The following CEP192 variants were observed in gnomAD, a reference collection of about 807,000 sequenced individuals.
CEP192 encodes centrosomal protein 192.
In CEP192, 151 loss-of-function variants were observed where a neutral mutation model predicts 271.8. The ratio of observed to expected loss-of-function variants is 0.56; its 90% CI spans 0.49 to 0.64. CEP192 has a LOEUF of 0.64. Among genes scored for constraint, CEP192 ranks in the 30% least tolerant of loss-of-function variants. CEP192 has a pLI of 0.00. For synonymous variants in CEP192, 995 were observed against 1,076.5 expected, an observed-to-expected ratio of 0.92 and a Z score of 1.48; for missense variants, 2,910 against 3,020.5, an observed-to-expected ratio of 0.96 and a Z score of 0.86.
chr18:13,040,954 C>T lies in CEP192; in HGVS notation c.1934C>T (p.Ser645Leu), dbSNP rs1037274899. The T allele has an allele frequency of 6.2e-7, 1 of 1,601,836 alleles. No individual in the cohort carries two copies. Among genetic ancestry groups the T allele is most frequent in the Non-Finnish European group, 8.5e-7 (1 of 1,176,082 alleles). The change falls in exon 14 of 45, where the codon TCA (serine) becomes TTA (leucine). Residue 645 changes from serine (S) to leucine (L), a missense_variant and splice_region_variant. Transcript: ENST00000506447. ...GCTCATCTTAACCATGATCTATATT[C>T]AGGTAATGGATTCAATGAAGGGGCT... ...EMAHLNHDLY[S>L]GDLNEQSQAQ...
Position 13,018,601 on chromosome 18 carries a change from G to A in CEP192, c.911G>A (p.Cys304Tyr), listed in dbSNP as rs1291715984. 6.5e-7 allele frequency: 1 copy of A among 1,532,286 alleles called. No individual in the cohort carries two copies. The highest frequency in any genetic ancestry group is 2.0e-5 in the Admixed American group (1 of 49,510). 94.9% of individuals were successfully genotyped at this position (1,532,286 alleles called of 1,614,324 possible). Reference protein sequence around the residue: ...HKESEESQVICLPGTSNSIGT... With the variant: ...HKESEESQVIYLPGTSNSIGT... Reference sequence around the variant, plus strand: ...GAGTCTGAGGAAAGCCAAGTTATTTGTCTACCTGGGACTAGTAAGTATAGA... The same window carrying A: ...GAGTCTGAGGAAAGCCAAGTTATTTATCTACCTGGGACTAGTAAGTATAGA... Residue 304 changes from cysteine (C) to tyrosine (Y), a missense_variant, in exon 8 of 45, where the codon TGT (cysteine) becomes TAT (tyrosine). By Grantham distance (194) the Cys-to-Tyr change is radical. Transcript: ENST00000506447.
Position 13,057,705 on chromosome 18 carries a change from T to C in CEP192, c.4229T>C (p.Val1410Ala). ...CGCTGGCTGCAAGTCAGCATTGGGG[T>C]CCTCAGCATTAGTGTTAATGGTGAA... ...TDRWLQVSIG[V>A]LSISVNGEKV... The change falls in exon 20 of 45, where the codon GTC becomes GCC. Residue 1410 changes from valine (V) to alanine (A), a missense_variant. Val to Ala is a moderately conservative substitution (Grantham distance 64). Transcript: ENST00000506447. 1 of 1,614,024 alleles carries C rather than the reference T, an allele frequency of 6.2e-7. No homozygotes were observed. Among genetic ancestry groups the C allele is most frequent in the Non-Finnish European group, 8.5e-7 (1 of 1,179,962 alleles).
At chr18:13,062,704 C>A (rs1401504681) in intron 21 of CEP192, among the ~76,000 whole-genome samples, 1 of 152,016 alleles carries the variant, frequency 6.6e-6, no homozygotes, top group Non-Finnish European at 1.5e-5. Flanking sequence ...AATAGCTTAT[C>A]CCCTCAAGCA....
chr18:13,049,147 A>T lies in CEP192; in HGVS notation c.2356A>T (p.Lys786Ter). ...SNALDMEKYL[K>*]KTEVSRYESA... The stretch of plus-strand genomic sequence containing the variant: ...TGCACTTGATATGGAGAAATACCTT[A>T]AAAAAACAGAAGTTAGTAGATATGA... Residue 786 changes from lysine to a stop codon, truncating the protein, a stop_gained, in exon 16 of 45, where the codon AAA (lysine) becomes TAA (stop). Coordinates refer to ENST00000506447, the MANE Select transcript of CEP192 (RefSeq NM_032142.4). LOFTEE classifies it high-confidence loss of function. 1 of 1,613,804 alleles carries T rather than the reference A, an allele frequency of 6.2e-7. No individual in the cohort carries two copies. Among genetic ancestry groups the T allele is most frequent in the Non-Finnish European group, 8.5e-7 (1 of 1,179,888 alleles).
At chr18:13,080,324 T>G (rs1384145980) in intron 30 of CEP192, among the ~76,000 whole-genome samples, 1 of 152,222 alleles carries the variant, frequency 6.6e-6, no homozygotes, top group Non-Finnish European at 1.5e-5. Flanking sequence ...GAGCAGTGGT[T>G]TGTAGTTCTC....
At chr18:12,994,646 A>G (rs180937788) in intron 1 of CEP192, among the ~76,000 whole-genome samples, 2 of 152,264 alleles carry the variant, frequency 1.3e-5, no homozygotes, top group East Asian at 3.9e-4. Context: ...TGGAACATAG[A>G]CATGTTTTGC....
rs940693897 is a variant in CEP192 at position 13,089,499 on chromosome 18, G to A, written c.6037G>A (p.Glu2013Lys). The A allele has an allele frequency of 1.4e-5, 22 of 1,606,800 alleles. No individual in the cohort carries two copies. Among genetic ancestry groups the A allele is most frequent in the Non-Finnish European group, 1.8e-5 (21 of 1,176,266 alleles). ...AGAGATGATAAAACAGATACTTCCA[G>A]AACATAGTGTGCTTCAAAACATTAA... The part of the protein sequence containing the change: ...KPEMIKQILP[E>K]HSVLQNINFV... The change falls in exon 33 of 45, where the codon GAA (glutamate) becomes AAA (lysine). Residue 2013 changes from glutamate (E) to lysine (K), a missense_variant. Physicochemically the swap from Glu to Lys is moderately conservative, Grantham distance 56 (BLOSUM62 1). Transcript: ENST00000506447.
chr18:13,103,665 G>A, intron 39 of CEP192, 77 bp downstream of exon 39: 1 of 1,126,014 alleles, frequency 8.9e-7, no homozygotes, highest in East Asian at 2.3e-5. Flanking sequence ...CTGACTATGA[G>A]CATAGGTTGA....
intron 21 of CEP192, among the ~76,000 whole-genome samples, chr18:13,064,546 A>G (rs930453645): frequency 1.6e-4 from 24 of 148,766 alleles, no homozygotes; most frequent in Admixed American, 1.1e-3. Context: ...CGGGAGGCGG[A>G]GCTTGCAGTG....
Position 13,095,611 on chromosome 18 carries a change from G to C in CEP192, c.6363G>C (p.Leu2121=). 2 of 1,614,108 alleles carry C rather than the reference G, an allele frequency of 1.2e-6. No individual in the cohort carries two copies. Among genetic ancestry groups the C allele is most frequent in the Non-Finnish European group, 1.7e-6 (2 of 1,179,958 alleles). Residue 2121 remains leucine, a synonymous_variant, in exon 35 of 45, where the codon CTG becomes CTC. Transcript: ENST00000506447. ...PLLSRAARPP[L]DQLASEEPWT... ...TCTCACGGGCGGCTCGCCCGCCTCT[G>C]GATCAGCTGGCCTCCGAAGAGCCGT...
At chr18:13,081,817 T>C (rs1598543646) in intron 30 of CEP192, among the ~76,000 whole-genome samples, 1 of 152,224 alleles carries the variant, frequency 6.6e-6, no homozygotes, top group East Asian at 1.9e-4. Flanking sequence ...TTTGTTCTCA[T>C]TGGTTTCAAA....
chr18:13,079,917 G>C (rs2038499416), intron 30 of CEP192, among the ~76,000 whole-genome samples: 2 of 151,894 alleles, frequency 1.3e-5, no homozygotes, highest in African/African-American at 4.8e-5. Flanking sequence ...TTCTTTTTTT[G>C]TCAGGTTTGT....
At position 13,099,457 on chromosome 18, in the gene CEP192, T is replaced by A. The variant is rs1177773477; in HGVS notation, c.6558-19T>A. The A allele has an allele frequency of 7.9e-7, 1 of 1,263,084 alleles. No individual in the cohort carries two copies. The highest frequency in any genetic ancestry group is 2.3e-5 in the East Asian group (1 of 43,208). The allele number at this position is 1,263,084 out of a possible 1,614,324, so 78.2% of individuals were successfully genotyped here. On this transcript the variant is annotated intron_variant, in intron 36 of 44. Coordinates refer to ENST00000506447, the MANE Select transcript of CEP192 (RefSeq NM_032142.4). ...AAAATGCAGGCTCTTTTTAATTTTC[T>A]TATTAATTTTTTTTAAAGGAGTAAA...
chr18:13,076,095 GA>G (rs1300906497), intron 30 of CEP192, among the ~76,000 whole-genome samples: 1 of 152,198 alleles, frequency 6.6e-6, no homozygotes, highest in Non-Finnish European at 1.5e-5. Context: ...GAACATCCGA[GA>G]AAGCCCAAGA....
rs535951364 is a variant in CEP192, at chr18:13,092,895, A to G, written c.6254+368A>G. Among the ~76,000 whole-genome samples, 14 of 152,168 alleles carry G rather than the reference A, an allele frequency of 9.2e-5. No homozygotes were observed. The South Asian group carries it at 2.9e-3, about 32-fold the overall frequency. On this transcript the variant is annotated intron_variant, in intron 34 of 44. Transcript: ENST00000506447. ...TACGGCCAGGTATGGTGGCTCTTGC[A>G]TGTAATCCCAGCACTTTGGGAGGCC...
At chr18:13,118,849 G>T (rs900748695) in intron 44 of CEP192, among the ~76,000 whole-genome samples, 2 of 152,160 alleles carry the variant, frequency 1.3e-5, no homozygotes, top group African/African-American at 4.8e-5. Flanking sequence ...ACCTTGGCTG[G>T]CAGGATGCAT....
chr18:13,116,477 C>T lies in CEP192; in HGVS notation c.7390C>T (p.Arg2464Ter), dbSNP rs781480656. 5.0e-6 allele frequency: 8 copies of T among 1,606,890 alleles called. No individual in the cohort carries two copies. Among genetic ancestry groups the T allele is most frequent in the East Asian group, 2.2e-5 (1 of 44,586 alleles). ...ATCACGGACACTTAAAGTCAATCTGCGAAATAATTCTTTTATTACACACTC... is the reference window on the plus strand; with the variant it reads ...ATCACGGACACTTAAAGTCAATCTGTGAAATAATTCTTTTATTACACACTC... The part of the protein sequence containing the change: ...GESRTLKVNL[R>*]NNSFITHSLK... Residue 2464 changes from arginine (R) to a stop codon, truncating the protein, a stop_gained, in exon 43 of 45, where the codon CGA (arginine) becomes TGA (stop). Transcript: ENST00000506447. LOFTEE classifies it high-confidence loss of function.
At chr18:13,045,796 T>C (rs2036444210) in intron 15 of CEP192, among the ~76,000 whole-genome samples, 1 of 152,262 alleles carries the variant, frequency 6.6e-6, no homozygotes, top group African/African-American at 2.4e-5. Context: ...TTATTGAGCA[T>C]GTCTCTCCTC....
chr18:13,061,994 A>G (rs997238341), intron 21 of CEP192, among the ~76,000 whole-genome samples: 3 of 152,230 alleles, frequency 2.0e-5, no homozygotes, highest in African/African-American at 7.2e-5. Context: ...TGTAGCAGAC[A>G]TGATAAATCA....
Sources: gnomAD v4.1 joint callset for allele counts (sites outside exome capture counted in the v4.1 genomes callset) on GRCh38, gnomAD v4.1.1 for gene constraint, MANE v1.5 for transcripts, NCBI Gene and HGNC (gene_info 2026-07-23, HGNC 2026-07-21) for gene names.